Variants in GNA14 observed in about 807,000 individuals in gnomAD.
GNA14 encodes the protein guanine nucleotide-binding protein subunit alpha-14.
In GNA14, 50 loss-of-function variants were observed where a neutral mutation model predicts 42.0. The observed-to-expected ratio is 1.19, with a 90% CI of 0.95 to 1.51. GNA14 has a LOEUF of 1.51. Among genes scored for constraint, GNA14 ranks in the 40% most tolerant of loss-of-function variants. GNA14 has a pLI of 0.00. For synonymous variants in GNA14, 173 were observed against 163.1 expected (o/e 1.06, Z -0.46); for missense variants, 473 against 446.2 (o/e 1.06, Z -0.54).
At chr9:77,635,243 C>T (rs561353657) in intron 1 of GNA14, 1 of 152,292 alleles carries the variant, frequency 6.6e-6, no homozygotes, top group East Asian at 1.9e-4. Flanking sequence ...GTCATCCTTG[C>T]ATAGGGGCCA....
chr9:77,514,700 G>A (rs766479690), intron 2 of GNA14, among the ~76,000 whole-genome samples: 14 of 147,878 alleles, frequency 9.5e-5, no homozygotes, highest in Admixed American at 1.4e-4. Flanking sequence ...TGCAAGCTCC[G>A]CCTCCCGGGT....
rs768204519 is a variant in GNA14, at chr9:77,432,475, C to T, written c.465-1026G>A. On this transcript the variant is annotated intron_variant, in intron 3 of 6. Coordinates refer to ENST00000341700, the MANE Select transcript of GNA14 (RefSeq NM_004297.4). ...CACCAGACTGTATATTCCCTGAGAG[C>T]AGAGAGCACTGGTTGTATAATACCT... Among the ~76,000 whole-genome samples, 3 of 152,328 alleles carry T rather than the reference C, an allele frequency of 2.0e-5. No individual in the cohort carries two copies. In the East Asian group the frequency reaches 5.8e-4, roughly 29 times the overall value.
At chr9:77,448,915 C>T (rs1835865205) in intron 2 of GNA14, among the ~76,000 whole-genome samples, 1 of 152,186 alleles carries the variant, frequency 6.6e-6, no homozygotes, top group Non-Finnish European at 1.5e-5. Flanking sequence ...CTTCAGAAGT[C>T]TTAAACGGCA....
Position 77,647,685 on chromosome 9 carries a change from T to TCA in GNA14, c.108_109insTG (p.Lys37Ter), listed in dbSNP as rs766217642. 9.9e-6 allele frequency: 16 copies of TCA among 1,610,438 alleles called. No homozygotes were observed. Among genetic ancestry groups the TCA allele is most frequent in the Non-Finnish European group, 1.3e-5 (15 of 1,178,770 alleles). On this transcript the variant is annotated frameshift_variant, in exon 1 of 7. Transcript: ENST00000341700. LOFTEE classifies it high-confidence loss of function. ...AGCCACTCACCCAGCAGCAGCAGCT[T>TCA]AAGCTCACGGCGCGCGTCCTTCTTG...
In GNA14 at chr9:77,543,664, C is replaced by T. The variant is rs1002756400; in HGVS notation, c.125-14411G>A. 4.6e-5 allele frequency among the ~76,000 whole-genome samples: 7 copies of T among 152,302 alleles called. 1 individual carries two copies. The South Asian group carries it at 1.5e-3, about 32-fold the overall frequency. ...GGGGATCACTCATTTACCTTTTCCC[C>T]ATGTTTGGGAGCTTCTTCCAGCTCC... On this transcript the variant is annotated intron_variant, in intron 1 of 6. Coordinates refer to ENST00000341700, the MANE Select transcript of GNA14 (RefSeq NM_004297.4).
intron 1 of GNA14, among the ~76,000 whole-genome samples, chr9:77,554,302 TAATG>T (rs1822730001): frequency 6.6e-6 from 1 of 152,200 alleles, no homozygotes; most frequent in Non-Finnish European, 1.5e-5. Context: ...CACCAAAACT[TAATG>T]GTGGTAATCA....
chr9:77,447,020 A>G (rs1835830945), intron 2 of GNA14, among the ~76,000 whole-genome samples: 1 of 151,258 alleles, frequency 6.6e-6, no homozygotes, highest in African/African-American at 2.4e-5. Context: ...CTGGAGTGCA[A>G]TGGCACAATC....
At chr9:77,624,203 C>T (rs899282111) in intron 1 of GNA14, among the ~76,000 whole-genome samples, 1 of 152,176 alleles carries the variant, frequency 6.6e-6, no homozygotes, top group Non-Finnish European at 1.5e-5. Flanking sequence ...GCCGCTGTGG[C>T]CAGACTGCCT....
chr9:77,496,568 A>G (rs1402323471), intron 2 of GNA14, among the ~76,000 whole-genome samples: 9 of 152,210 alleles, frequency 5.9e-5, no homozygotes, highest in Non-Finnish European at 1.2e-4. Context: ...CCAGGTGCGC[A>G]CAGTTAAACA....
intron 2 of GNA14, among the ~76,000 whole-genome samples, chr9:77,514,235 C>G (rs1298980402): frequency 6.6e-6 from 1 of 152,054 alleles, no homozygotes; most frequent in Admixed American, 6.6e-5. Flanking sequence ...TGCTTTTTGC[C>G]CGATATCACA....
chr9:77,568,039 A>G lies in GNA14; in HGVS notation c.125-38786T>C, dbSNP rs1331542057. 6.6e-5 allele frequency among the ~76,000 whole-genome samples: 10 copies of G among 152,178 alleles called. 1 individual carries two copies. Among genetic ancestry groups the G allele is most frequent in the Admixed American group, 4.6e-4 (7 of 15,268 alleles). Reference sequence around the variant, plus strand: ...AGGAGGAGGAAGGAAGACTAGAAAGAAAGAGGTGGGGTGGGTGGTAAGCTC... The same window carrying G: ...AGGAGGAGGAAGGAAGACTAGAAAGGAAGAGGTGGGGTGGGTGGTAAGCTC... On this transcript the variant is annotated intron_variant, in intron 1 of 6. Coordinates refer to ENST00000341700, the MANE Select transcript of GNA14 (RefSeq NM_004297.4).
intron 2 of GNA14, among the ~76,000 whole-genome samples, chr9:77,518,852 A>G (rs1351259070): frequency 2.0e-5 from 3 of 152,212 alleles, no homozygotes; most frequent in Non-Finnish European, 4.4e-5. Context: ...ATTTTTTTAA[A>G]AAGAGAAAGT....
At chr9:77,609,802 A>G (rs12337648) in intron 1 of GNA14, among the ~76,000 whole-genome samples, 1 of 152,076 alleles carries the variant, frequency 6.6e-6, no homozygotes, top group Admixed American at 6.6e-5. Context: ...AATGTGATTT[A>G]AAAGCCTCAG....
chr9:77,645,705 C>G (rs553568873), intron 1 of GNA14, among the ~76,000 whole-genome samples: 2 of 152,050 alleles, frequency 1.3e-5, no homozygotes, highest in Non-Finnish European at 2.9e-5. Context: ...TGGGTAAATG[C>G]GAGAATTTTA....
chr9:77,475,984 C>T (rs73651510), intron 2 of GNA14, among the ~76,000 whole-genome samples: 3,996 of 152,142 alleles, frequency 0.026, 180 homozygotes, highest in African/African-American at 0.091. Flanking sequence ...CTAAGTGTGC[C>T]CTTGAGCTTA....
intron 1 of GNA14, among the ~76,000 whole-genome samples, chr9:77,590,962 T>G (rs1453368081): frequency 2.0e-5 from 3 of 152,158 alleles, no homozygotes; most frequent in African/African-American, 7.2e-5. Flanking sequence ...AGACCTCTTT[T>G]GGGGGGCAAA....
At position 77,625,300 on chromosome 9, in the gene GNA14, T is replaced by C. The variant is rs370251382; in HGVS notation, c.124+22370A>G. On this transcript the variant is annotated intron_variant, in intron 1 of 6. Transcript: ENST00000341700. ...GTGTACCTAAAAGTGACGGGGAGAA[T>C]GGAACCAAATTGGAAAACAGTCTTC... Among the ~76,000 whole-genome samples, 135 of 151,958 alleles carry C rather than the reference T, an allele frequency of 8.9e-4. 1 individual carries two copies. In the East Asian group the frequency reaches 0.022, roughly 25 times the overall value.
At chr9:77,507,637 A>C (rs968346502) in intron 2 of GNA14, among the ~76,000 whole-genome samples, 3 of 152,186 alleles carry the variant, frequency 2.0e-5, no homozygotes, top group Non-Finnish European at 4.4e-5. Context: ...GCATTACTCC[A>C]ATAATCAGAA....
At chr9:77,575,634 G>A (rs1823116904) in intron 1 of GNA14, among the ~76,000 whole-genome samples, 2 of 152,088 alleles carry the variant, frequency 1.3e-5, no homozygotes. Flanking sequence ...CAATGATTTT[G>A]TTTTTAAACA....
Sources: gnomAD v4.1 joint callset for allele counts (sites outside exome capture counted in the v4.1 genomes callset) on GRCh38, gnomAD v4.1.1 for gene constraint, MANE v1.5 for transcripts, NCBI Gene and HGNC (gene_info 2026-07-23, HGNC 2026-07-21) for gene names.